Variants in SLC35F4 observed in about 807,000 individuals in gnomAD.
SLC35F4 encodes solute carrier family 35 member F4.
SLC35F4 carries 24 observed loss-of-function variants against 44.2 expected under a neutral mutation model. That is an observed-to-expected ratio of 0.54 (90% CI 0.39 to 0.76). The LOEUF (loss-of-function observed/expected upper bound fraction) is 0.76. Ranked by LOEUF, SLC35F4 falls within the 30% of genes least tolerant of loss-of-function variation. The pLI, the probability that SLC35F4 is intolerant of heterozygous loss-of-function variation, is 0.00. For synonymous variants in SLC35F4, 238 were observed against 223.6 expected (o/e 1.06, Z -0.57); for missense variants, 562 against 586.1 (o/e 0.96, Z 0.42).
chr14:57,747,153 C>G (rs1044123759), intron 1 of SLC35F4, among the ~76,000 whole-genome samples: 6 of 152,118 alleles, frequency 3.9e-5, no homozygotes, highest in African/African-American at 1.2e-4. Context: ...TTGTCTTGCT[C>G]TTTTGAAGGT....
chr14:57,895,084 A>G (rs1349752787), intron 1 of SLC35F4, among the ~76,000 whole-genome samples: 2 of 152,128 alleles, frequency 1.3e-5, no homozygotes, highest in African/African-American at 4.8e-5. Flanking sequence ...TCAGAAAGGG[A>G]GGCTACCTGG....
intron 1 of SLC35F4, among the ~76,000 whole-genome samples, chr14:57,844,147 C>T (rs1443806442): frequency 1.3e-5 from 2 of 152,122 alleles, no homozygotes; most frequent in Admixed American, 6.5e-5. Context: ...CTTTTAAAAA[C>T]CTACTGATCT....
chr14:57,845,787 G>C (rs967037372), intron 1 of SLC35F4, among the ~76,000 whole-genome samples: 2 of 152,088 alleles, frequency 1.3e-5, no homozygotes, highest in Non-Finnish European at 2.9e-5. Flanking sequence ...TATATGCTTT[G>C]CCACCATTTT....
chr14:57,854,665 A>G (rs978833065), intron 1 of SLC35F4, among the ~76,000 whole-genome samples: 4 of 152,148 alleles, frequency 2.6e-5, no homozygotes, highest in Admixed American at 6.5e-5. Flanking sequence ...GTGCCTGAGT[A>G]CCTGCATGCA....
At chr14:57,887,850 A>T (rs903556321) in intron 1 of SLC35F4, among the ~76,000 whole-genome samples, 1 of 152,138 alleles carries the variant, frequency 6.6e-6, no homozygotes, top group Non-Finnish European at 1.5e-5. Context: ...TTTTCTGCTT[A>T]TTGGGTGTCA....
intron 1 of SLC35F4, among the ~76,000 whole-genome samples, chr14:57,905,159 G>A (rs1889082825): frequency 6.6e-6 from 1 of 152,188 alleles, no homozygotes; most frequent in Non-Finnish European, 1.5e-5. Context: ...TGGGGCTGGA[G>A]GATCTGCTAC....
At chr14:57,593,183 C>T (rs576029694) in intron 2 of SLC35F4, among the ~76,000 whole-genome samples, 8 of 152,112 alleles carry the variant, frequency 5.3e-5, no homozygotes, top group Non-Finnish European at 1.0e-4. Flanking sequence ...GAAGTATGCT[C>T]GGTCATACAA....
chr14:57,670,902 C>CTT (rs35951590), intron 1 of SLC35F4, among the ~76,000 whole-genome samples: 37,756 of 107,010 alleles, frequency 0.35, 7,693 homozygotes, highest in African/African-American at 0.45. Flanking sequence ...CTCATTCATT[C>CTT]TTTTTTTTTT....
chr14:57,946,220 T>G lies in SLC35F4; in HGVS notation n.282+35693A>C, dbSNP rs143531151. Among the ~76,000 whole-genome samples, 7 of 152,244 alleles carry G rather than the reference T, an allele frequency of 4.6e-5. No individual in the cohort carries two copies. The East Asian group carries it at 9.7e-4, about 21-fold the overall frequency. ...TGCCTAAGCCAATGTCTAAAAGAGT[T>G]TTTTCCAATGTTATCTTCTAGAATT... On this transcript the variant is annotated intron_variant and non_coding_transcript_variant, in intron 1 of 1. Coordinates refer to the SLC35F4 transcript ENST00000556568.
At chr14:57,728,981 A>G (rs371508022) in intron 1 of SLC35F4, among the ~76,000 whole-genome samples, 100 of 151,918 alleles carry the variant, frequency 6.6e-4, no homozygotes, top group African/African-American at 2.0e-3. Flanking sequence ...ATGTAATGCC[A>G]CTCTCTCCTG....
chr14:57,797,379 G>A (rs2078077895), intron 1 of SLC35F4, among the ~76,000 whole-genome samples: 1 of 152,254 alleles, frequency 6.6e-6, no homozygotes, highest in Middle Eastern at 3.4e-3. Context: ...TTATTCATGA[G>A]GCACAGAATG....
At chr14:57,731,535 T>A (rs1388252404) in intron 1 of SLC35F4, among the ~76,000 whole-genome samples, 2 of 152,118 alleles carry the variant, frequency 1.3e-5, no homozygotes, top group African/African-American at 2.4e-5. Context: ...GTGGCAGACA[T>A]ATGGTTGTCT....
chr14:57,778,506 A>G (rs1183060369), intron 1 of SLC35F4, among the ~76,000 whole-genome samples: 1 of 152,144 alleles, frequency 6.6e-6, no homozygotes, highest in Non-Finnish European at 1.5e-5. Context: ...CTTCAAAGAG[A>G]GTTAGACTCC....
intron 1 of SLC35F4, among the ~76,000 whole-genome samples, chr14:57,800,289 G>A (rs1351702098): frequency 6.6e-6 from 1 of 152,116 alleles, no homozygotes; most frequent in Non-Finnish European, 1.5e-5. Context: ...TGGCCTGACT[G>A]TTAAAAGAAA....
In SLC35F4 at chr14:57,566,479, A is replaced by G. The variant is rs1566621045; in HGVS notation, c.1212T>C (p.Asn404=). 1 of 1,590,420 alleles carries G rather than the reference A, an allele frequency of 6.3e-7. No individual in the cohort carries two copies. The highest frequency in any genetic ancestry group is 8.6e-7 in the Non-Finnish European group (1 of 1,168,252). Residue 404 remains asparagine (N), a synonymous_variant, in exon 7 of 8, where the codon AAT becomes AAC. Coordinates refer to ENST00000556826, the MANE Select transcript of SLC35F4 (RefSeq NM_001306087.2). ...SIGTVLSVPG[N]AAVDLLKQEV... Reference sequence around the variant, plus strand: ...CATGTCACATGGTGCCTGTACCTGCATTTCCAGGAACGCTGAGCACTGTCC... The same window carrying G: ...CATGTCACATGGTGCCTGTACCTGCGTTTCCAGGAACGCTGAGCACTGTCC...
chr14:57,950,449 T>C (rs1437929290), intron 1 of SLC35F4, among the ~76,000 whole-genome samples: 1 of 152,060 alleles, frequency 6.6e-6, no homozygotes, highest in African/African-American at 2.4e-5. Context: ...TTTTTTAATT[T>C]CTTGAAGTTA....
chr14:57,859,595 AAAAT>A (rs905078378), intron 1 of SLC35F4, among the ~76,000 whole-genome samples: 40 of 152,210 alleles, frequency 2.6e-4, no homozygotes, highest in African/African-American at 9.4e-4. Context: ...ACAGAAGTGA[AAAAT>A]TACTTCAGGT....
chr14:57,700,872 CT>C (rs1281419438), intron 1 of SLC35F4, among the ~76,000 whole-genome samples: 1 of 152,156 alleles, frequency 6.6e-6, no homozygotes, highest in East Asian at 1.9e-4. Flanking sequence ...CATCATCGCA[CT>C]TCAGCCTGGG....
At chr14:57,578,000 A>G (rs1263190715) in intron 4 of SLC35F4, among the ~76,000 whole-genome samples, 1 of 152,218 alleles carries the variant, frequency 6.6e-6, no homozygotes, top group African/African-American at 2.4e-5. Flanking sequence ...CAAAAGAAAC[A>G]AAATATTAGC....
Sources: gnomAD v4.1 joint callset for allele counts (sites outside exome capture counted in the v4.1 genomes callset) on GRCh38, gnomAD v4.1.1 for gene constraint, MANE v1.5 for transcripts, NCBI Gene and HGNC (gene_info 2026-07-23, HGNC 2026-07-21) for gene names.